Variants in CRTC3 observed in about 807,000 individuals in gnomAD.
CRTC3 encodes CREB regulated transcription coactivator 3.
A neutral mutation model predicts 74.5 loss-of-function variants in CRTC3; 26 were observed. The observed-to-expected ratio is 0.35, with a 90% CI of 0.26 to 0.48. The LOEUF is 0.48. Ranked by LOEUF, CRTC3 falls within the 20% of genes least tolerant of loss-of-function variation. CRTC3 has a pLI of 0.99. For synonymous variants in CRTC3, 377 were observed against 325.8 expected (o/e 1.16, Z -1.69); for missense variants, 760 against 787.3 (o/e 0.97, Z 0.41).
intron 1 of CRTC3, among the ~76,000 whole-genome samples, chr15:90,535,203 C>G (rs1356040786): frequency 6.6e-6 from 1 of 151,334 alleles, no homozygotes; most frequent in Non-Finnish European, 1.5e-5. Flanking sequence ...TGAGGAGGGC[C>G]TAGGAGAAGC....
intron 5 of CRTC3, among the ~76,000 whole-genome samples, chr15:90,606,067 C>G (rs1423519739): frequency 6.6e-6 from 1 of 151,976 alleles, no homozygotes; most frequent in East Asian, 1.9e-4. Context: ...ACCAGCCTGG[C>G]CAACATGGTG....
intron 1 of CRTC3, 60 bp from the exon 2 acceptor site, chr15:90,539,979 T>C: frequency 8.8e-7 from 1 of 1,130,782 alleles, no homozygotes; most frequent in Non-Finnish European, 1.3e-6. Flanking sequence ...TACTATACTT[T>C]GATGCTTCTT....
At chr15:90,585,599 G>C (rs1208157556) in intron 2 of CRTC3, among the ~76,000 whole-genome samples, 2 of 152,200 alleles carry the variant, frequency 1.3e-5, no homozygotes, top group Admixed American at 6.5e-5. Context: ...GGGATCCTGA[G>C]TTTTAGTTTT....
In CRTC3 at chr15:90,642,817, G is replaced by A. The variant is rs77185444; in HGVS notation, c.*677G>A. On this transcript the variant is annotated 3_prime_UTR_variant, in exon 15 of 15. Coordinates refer to ENST00000268184, the MANE Select transcript of CRTC3 (RefSeq NM_022769.5). ...TTTTCCTTATGGACCAGAGGAAGAG[G>A]AAGACCATTTTATCAGTCACTGAAA... is the stretch of plus-strand genomic sequence containing the variant. 0.014 allele frequency: 3,329 copies of A among 232,804 alleles called. 127 individuals are homozygous for A. Among genetic ancestry groups the A allele is most frequent in the African/African-American group, 0.069 (3,117 of 45,406 alleles). 14.4% of individuals were successfully genotyped at this position (232,804 alleles called of 1,614,324 possible).
intron 11 of CRTC3, among the ~76,000 whole-genome samples, chr15:90,636,513 T>C (rs1969243357): frequency 6.6e-6 from 1 of 151,754 alleles, no homozygotes; most frequent in Admixed American, 6.6e-5. Context: ...ACTTCATGTC[T>C]AAAACACCAA....
intron 6 of CRTC3, among the ~76,000 whole-genome samples, chr15:90,607,962 C>T (rs1218576235): frequency 1.3e-5 from 2 of 152,136 alleles, no homozygotes; most frequent in Non-Finnish European, 2.9e-5. Flanking sequence ...TGAGACTGAA[C>T]CCCAGCATGA....
At chr15:90,541,610 C>A in intron 2 of CRTC3, among the ~76,000 whole-genome samples, 1 of 152,128 alleles carries the variant, frequency 6.6e-6, no homozygotes, top group Non-Finnish European at 1.5e-5. Flanking sequence ...CTGCCTTATG[C>A]GGGATTTCAT....
At chr15:90,631,549 G>A (rs574238083) in intron 11 of CRTC3, among the ~76,000 whole-genome samples, 8 of 151,794 alleles carry the variant, frequency 5.3e-5, no homozygotes, top group African/African-American at 1.2e-4. Flanking sequence ...TTAACATGAC[G>A]AAACCCCATC....
At chr15:90,584,293 A>G (rs1967609382) in intron 2 of CRTC3, among the ~76,000 whole-genome samples, 1 of 145,540 alleles carries the variant, frequency 6.9e-6, no homozygotes, top group Non-Finnish European at 1.5e-5. Flanking sequence ...GCTGGAGTGC[A>G]GTGGCACGAT....
intron 2 of CRTC3, among the ~76,000 whole-genome samples, chr15:90,549,099 G>T (rs1271732066): frequency 6.6e-6 from 1 of 151,954 alleles, no homozygotes; most frequent in Non-Finnish European, 1.5e-5. Flanking sequence ...CAGTAGTTTT[G>T]CAGTGACTAT....
intron 13 of CRTC3, 176 bp from the exon 14 acceptor site, chr15:90,640,921 C>G (rs1490195452): frequency 1.7e-6 from 1 of 595,592 alleles, no homozygotes; most frequent in Non-Finnish European, 3.0e-6. Context: ...GTCTGCCTGC[C>G]TGACAAGAAT....
intron 6 of CRTC3, chr15:90,614,110 C>G: frequency 4.6e-6 from 1 of 216,718 alleles, no homozygotes; most frequent in Non-Finnish European, 9.1e-6. Flanking sequence ...CATGATGAAG[C>G]ATTTGGAAGA....
At chr15:90,538,773 C>CTTTTTTTTTTTTTTTTTTTTTTT (rs4031379) in intron 1 of CRTC3, among the ~76,000 whole-genome samples, 1 of 144,462 alleles carries the variant, frequency 6.9e-6, no homozygotes. Flanking sequence ...CAAACTTCAC[C>CTTTTTTTTTTTTTTTTTTTTTTT]TTTTTTTTTT....
At chr15:90,566,570 G>A (rs375924523) in intron 2 of CRTC3, among the ~76,000 whole-genome samples, 6 of 149,660 alleles carry the variant, frequency 4.0e-5, no homozygotes, top group African/African-American at 1.5e-4. Context: ...AAAAGAGGAA[G>A]AAGAAGCCAA....
Position 90,638,518 on chromosome 15 carries a change from C to G in CRTC3, c.1339C>G (p.Pro447Ala), listed in dbSNP as rs538953998. 1.9e-6 allele frequency: 3 copies of G among 1,613,920 alleles called. No individual in the cohort carries two copies. Among genetic ancestry groups the G allele is most frequent in the Admixed American group, 1.7e-5 (1 of 60,014 alleles). The change falls in exon 12 of 15, where the codon CCT (proline) becomes GCT (alanine). Residue 447 changes from proline to alanine, a missense_variant. Pro to Ala is a conservative substitution (Grantham distance 27). Around this residue, in one of 2 missense-constraint regions of CRTC3, gnomAD observed 652 missense variants for 635.2 expected, o/e 1.03. Transcript: ENST00000268184. ...EAQAQVSPPP[P>A]YPAPQELTQP... ...TCAAGCCCAGGTGTCGCCGCCACCC[C>G]CTTACCCTGCACCCCAGGAGCTCAC...
rs1969471605 is a variant in CRTC3, at chr15:90,642,135, CTG to C, written c.1858_1859del (p.Ter620AsnfsTer20). ...SVEETFRADR[L>X] ...TGAAGAGACGTTTCGAGCTGACAGACTGTGAACAGAAGGCAGTGGAACAGAAG... is the reference window on the plus strand; with the variant it reads ...TGAAGAGACGTTTCGAGCTGACAGACTGAACAGAAGGCAGTGGAACAGAAG... On this transcript the variant is annotated frameshift_variant, in exon 15 of 15. Transcript: ENST00000268184. LOFTEE classifies it high-confidence loss of function. 1 of 1,613,554 alleles carries C rather than the reference CTG, an allele frequency of 6.2e-7. No homozygotes were observed. Among genetic ancestry groups the C allele is most frequent in the Non-Finnish European group, 8.5e-7 (1 of 1,179,718 alleles).
rs376545530 is a variant in CRTC3, at chr15:90,607,405, G to A, written c.504G>A (p.Thr168=). The A allele has an allele frequency of 8.1e-6, 13 of 1,612,954 alleles. No homozygotes were observed. The highest frequency in any genetic ancestry group is 1.1e-5 in the Non-Finnish European group (13 of 1,179,442). Residue 168 remains threonine, a synonymous_variant, in exon 6 of 15, where the codon ACG becomes ACA. Transcript: ENST00000268184. ...NRTNSDSALH[T]SALSTKPQDP... ...CCAATTCTGATTCTGCTCTTCACAC[G>A]AGTGCTCTGAGTACCAAGCCCCAGG...
chr15:90,551,921 T>TACACACACGCACAC (rs1454402545), intron 2 of CRTC3, among the ~76,000 whole-genome samples: 1 of 6,338 alleles, frequency 1.6e-4, no homozygotes, highest in South Asian at 2.3e-3. Context: ...TACATTACAT[T>TACACACACGCACAC]ACACACACGC....
At chr15:90,627,752 G>T (rs1372725190) in intron 10 of CRTC3, among the ~76,000 whole-genome samples, 1 of 150,624 alleles carries the variant, frequency 6.6e-6, no homozygotes, top group Non-Finnish European at 1.5e-5. Flanking sequence ...CTCCCCAGTA[G>T]CTGGGACTAC....
Sources: gnomAD v4.1 joint callset for allele counts (sites outside exome capture counted in the v4.1 genomes callset) on GRCh38, gnomAD v4.1.1 for gene constraint, gnomAD v4.1.1 regional missense constraint, MANE v1.5 for transcripts, NCBI Gene and HGNC (gene_info 2026-07-23, HGNC 2026-07-21) for gene names.